The following REDIC1 variants were observed in gnomAD, a reference collection of about 807,000 sequenced individuals.
REDIC1 encodes HEI10 Interacting Protein 1.
chr12:39,675,576 G>A, the REDIC1 span, among the ~76,000 whole-genome samples: 6 of 152,154 alleles, frequency 3.9e-5, no homozygotes, highest in African/African-American at 9.7e-5. Context: ...ATTCTACCAC[G>A]TGCAACATCC....
the REDIC1 span, among the ~76,000 whole-genome samples, chr12:39,832,513 T>C: frequency 2.6e-5 from 4 of 152,034 alleles, no homozygotes; most frequent in South Asian, 2.1e-4. Flanking sequence ...AACAAATAAC[T>C]TCCTCCACCA....
the REDIC1 span, among the ~76,000 whole-genome samples, chr12:39,676,364 A>G: frequency 6.6e-6 from 1 of 152,178 alleles, no homozygotes; most frequent in Non-Finnish European, 1.5e-5. Context: ...GAGTTTGAAG[A>G]CAAGGCTTTT....
At chr12:39,821,692 C>T in the REDIC1 span, among the ~76,000 whole-genome samples, 1 of 152,092 alleles carries the variant, frequency 6.6e-6, no homozygotes. Flanking sequence ...CGTGGCAAAT[C>T]CTTGTTTAAA....
chr12:39,626,498 T>G, the REDIC1 span: 19 of 1,095,460 alleles, frequency 1.7e-5, no homozygotes, highest in South Asian at 3.0e-5. Flanking sequence ...CAAATCGGGT[T>G]GGAGACTCTA....
chr12:39,873,459 T>C, the REDIC1 span, among the ~76,000 whole-genome samples: 29 of 152,160 alleles, frequency 1.9e-4, no homozygotes, highest in African/African-American at 6.8e-4. Flanking sequence ...ATGTAATCAC[T>C]AAGAAATTAA....
chr12:39,711,803 A>C, the REDIC1 span, among the ~76,000 whole-genome samples: 1 of 107,138 alleles, frequency 9.3e-6, no homozygotes. Flanking sequence ...GTACACATGC[A>C]TGTGTATGTG....
the REDIC1 span, among the ~76,000 whole-genome samples, chr12:39,842,848 AT>A: frequency 5.0e-4 from 76 of 152,126 alleles, no homozygotes; most frequent in Non-Finnish European, 8.4e-4. Context: ...TGGACATTTT[AT>A]ATCAATGTAA....
chr12:39,894,864 A>T, the REDIC1 span, among the ~76,000 whole-genome samples: 2 of 152,162 alleles, frequency 1.3e-5, no homozygotes, highest in African/African-American at 4.8e-5. Flanking sequence ...AAAAGGGAGA[A>T]AAGAAAAAAA....
the REDIC1 span, among the ~76,000 whole-genome samples, chr12:39,899,489 G>A: frequency 1.3e-5 from 2 of 152,006 alleles, no homozygotes; most frequent in Non-Finnish European, 2.9e-5. Context: ...CTTCAGTTCT[G>A]CTCTGATTTT....
the REDIC1 span, chr12:39,643,886 AAATCAG>A: frequency 6.4e-7 from 1 of 1,562,232 alleles, no homozygotes; most frequent in Non-Finnish European, 8.7e-7. Flanking sequence ...TATATATGGT[AAATCAG>A]ATATCTTGCA....
At chr12:39,867,391 A>C in the REDIC1 span, among the ~76,000 whole-genome samples, 412 of 152,356 alleles carry the variant, frequency 2.7e-3, 1 homozygote, top group African/African-American at 9.3e-3. Context: ...ATAAAGATTC[A>C]AATAAATATT....
chr12:39,840,009 C>T, the REDIC1 span, among the ~76,000 whole-genome samples: 1 of 151,922 alleles, frequency 6.6e-6, no homozygotes, highest in Non-Finnish European at 1.5e-5. Flanking sequence ...ATGTATAGTT[C>T]CTGTACTCTC....
the REDIC1 span, among the ~76,000 whole-genome samples, chr12:39,858,879 T>C: frequency 6.6e-6 from 1 of 152,194 alleles, no homozygotes; most frequent in African/African-American, 2.4e-5. Flanking sequence ...GTGCTGGGAT[T>C]ACAGGTGTGA....
the REDIC1 span, among the ~76,000 whole-genome samples, chr12:39,658,847 C>A: frequency 6.3e-5 from 9 of 143,166 alleles, no homozygotes; most frequent in Admixed American, 1.4e-4. Flanking sequence ...CTTTTTATTT[C>A]TTCTCTCCTT....
chr12:39,869,624 C>T, the REDIC1 span, among the ~76,000 whole-genome samples: 1 of 152,152 alleles, frequency 6.6e-6, no homozygotes, highest in East Asian at 1.9e-4. Context: ...GAGAAGCAGA[C>T]CCTGAAATCC....
the REDIC1 span, among the ~76,000 whole-genome samples, chr12:39,827,876 T>C: frequency 1.3e-5 from 2 of 152,240 alleles, no homozygotes; most frequent in African/African-American, 2.4e-5. Flanking sequence ...CCATTCCACC[T>C]GGTGTCTTTT....
chr12:39,782,484 C>T, the REDIC1 span, among the ~76,000 whole-genome samples: 2 of 152,120 alleles, frequency 1.3e-5, no homozygotes, highest in Non-Finnish European at 2.9e-5. Flanking sequence ...TGCCTCTCAC[C>T]ATGATTCTGA....
the REDIC1 span, among the ~76,000 whole-genome samples, chr12:39,733,443 G>T: frequency 1.3e-5 from 2 of 151,626 alleles, no homozygotes; most frequent in African/African-American, 2.4e-5. Context: ...TATCTTCAAC[G>T]TTTGTTTTTT....
chr12:39,765,157 G>T, the REDIC1 span, among the ~76,000 whole-genome samples: 2 of 152,036 alleles, frequency 1.3e-5, no homozygotes, highest in African/African-American at 4.8e-5. Flanking sequence ...GTACCACTGA[G>T]AGTCAGTATG....
Sources: gnomAD v4.1 joint callset for allele counts (sites outside exome capture counted in the v4.1 genomes callset) on GRCh38, gnomAD v4.1.1 for gene constraint, MANE v1.5 for transcripts, NCBI Gene and HGNC (gene_info 2026-07-23, HGNC 2026-07-21) for gene names.